ADAMTSL3: variants seen among roughly 807,000 people sequenced by gnomAD.
ADAMTSL3 encodes the protein ADAMTS-like protein 3.
A neutral mutation model predicts 201.7 loss-of-function variants in ADAMTSL3; 128 were observed. The ratio of observed to expected loss-of-function variants is 0.63; its 90% CI spans 0.55 to 0.73. ADAMTSL3 has a LOEUF of 0.73. Ranked by LOEUF, ADAMTSL3 falls within the 30% of genes least tolerant of loss-of-function variation. ADAMTSL3 has a pLI of 0.00. For missense variants in ADAMTSL3, 1,990 were observed against 2,119.6 expected, an observed-to-expected ratio of 0.94 and a Z score of 1.20; for synonymous variants, 738 against 748.4, an observed-to-expected ratio of 0.99 and a Z score of 0.23.
At chr15:83,866,505 A>G (rs1270200180) in intron 8 of ADAMTSL3, among the ~76,000 whole-genome samples, 3 of 152,124 alleles carry the variant, frequency 2.0e-5, no homozygotes, top group African/African-American at 7.2e-5. Flanking sequence ...AAACTATCAC[A>G]AGGACAAAAA....
intron 25 of ADAMTSL3, 69 bp downstream of exon 25, chr15:84,016,568 A>G: frequency 7.7e-7 from 1 of 1,295,882 alleles, no homozygotes; most frequent in Non-Finnish European, 1.1e-6. Flanking sequence ...TTTAGCTAAA[A>G]GACCATCTGT....
intron 2 of ADAMTSL3, among the ~76,000 whole-genome samples, chr15:83,660,074 T>A (rs1247214158): frequency 6.6e-6 from 1 of 152,196 alleles, no homozygotes; most frequent in Non-Finnish European, 1.5e-5. Flanking sequence ...AGGGGTGGGC[T>A]TTGAATCTTG....
Position 83,788,640 on chromosome 15 carries a change from T to A in ADAMTSL3, c.317+14990T>A, listed in dbSNP as rs377751175. ...CTGGATGCATGTAGAAACATACATT[T>A]TCCCCCAGTGTTCTGAAATTTCCTA... On this transcript the variant is annotated intron_variant, in intron 4 of 29. Coordinates refer to ENST00000286744, the MANE Select transcript of ADAMTSL3 (RefSeq NM_207517.3). Among the ~76,000 whole-genome samples, 118 of 152,304 alleles carry A rather than the reference T, an allele frequency of 7.7e-4. 1 individual carries two copies. The South Asian group carries it at 0.019, about 25-fold the overall frequency.
chr15:83,950,081 C>T (rs1301934839), intron 19 of ADAMTSL3, among the ~76,000 whole-genome samples: 2 of 152,052 alleles, frequency 1.3e-5, no homozygotes, highest in Non-Finnish European at 2.9e-5. Context: ...AATATTTGCC[C>T]AGAGCAGTGT....
intron 2 of ADAMTSL3, among the ~76,000 whole-genome samples, chr15:83,703,305 G>T (rs1387739289): frequency 6.6e-6 from 1 of 152,146 alleles, no homozygotes; most frequent in Admixed American, 6.5e-5. Flanking sequence ...TTTGGTTAAT[G>T]CTGAAATTAG....
chr15:83,821,664 C>A (rs2063868827), intron 6 of ADAMTSL3, among the ~76,000 whole-genome samples: 2 of 152,162 alleles, frequency 1.3e-5, no homozygotes, highest in African/African-American at 4.8e-5. Context: ...ACACGGCAAC[C>A]ATCCGATTTC....
intron 17 of ADAMTSL3, among the ~76,000 whole-genome samples, chr15:83,942,110 T>C (rs2066572407): frequency 6.6e-6 from 1 of 152,244 alleles, no homozygotes; most frequent in Non-Finnish European, 1.5e-5. Flanking sequence ...CAAGATCTTA[T>C]TGGAAAGGAA....
At chr15:83,951,007 T>C (rs1471426452) in intron 19 of ADAMTSL3, among the ~76,000 whole-genome samples, 1 of 151,112 alleles carries the variant, frequency 6.6e-6, no homozygotes, top group African/African-American at 2.4e-5. Flanking sequence ...TCTTTTCTTT[T>C]TTTTTTTTTT....
chr15:83,786,203 C>G (rs1486112634), intron 4 of ADAMTSL3, among the ~76,000 whole-genome samples: 1 of 152,120 alleles, frequency 6.6e-6, no homozygotes, highest in Admixed American at 6.5e-5. Context: ...TCTCAAATTC[C>G]TGACCTCAAG....
intron 19 of ADAMTSL3, among the ~76,000 whole-genome samples, chr15:83,966,655 A>G (rs934267701): frequency 5.9e-5 from 9 of 152,206 alleles, no homozygotes; most frequent in Non-Finnish European, 1.2e-4. Flanking sequence ...TAGAAAAAGA[A>G]GGACTCCTCC....
chr15:83,773,784 A>G lies in ADAMTSL3; in HGVS notation c.317+134A>G, dbSNP rs1596181944. On this transcript the variant is annotated intron_variant, in intron 4 of 29. Coordinates refer to ENST00000286744, the MANE Select transcript of ADAMTSL3 (RefSeq NM_207517.3). ...GTAACGTTTGCTTTGTCTAAATATT[A>G]GTCAACCTAGGTTAACATATTTAAG... 2.4e-6 allele frequency: 3 copies of G among 1,255,894 alleles called. No individual in the cohort carries two copies. In the East Asian group the frequency reaches 7.9e-5, roughly 33 times the overall value. The allele number at this position is 1,255,894 out of a possible 1,614,324, so 77.8% of individuals were successfully genotyped here.
chr15:83,988,604 G>C, intron 21 of ADAMTSL3, 87 bp from the exon 22 acceptor site: 1 of 1,215,978 alleles, frequency 8.2e-7, no homozygotes, highest in South Asian at 2.1e-5. Context: ...GCCTGTAATG[G>C]TGCAGTCTTC....
intron 3 of ADAMTSL3, among the ~76,000 whole-genome samples, chr15:83,765,430 G>A (rs751178278): frequency 5.3e-5 from 8 of 152,072 alleles, no homozygotes; most frequent in Non-Finnish European, 2.9e-5. Context: ...TTTTTAATAT[G>A]GAGCTGTTAA....
intron 5 of ADAMTSL3, among the ~76,000 whole-genome samples, chr15:83,818,984 A>G (rs935551650): frequency 3.9e-5 from 6 of 152,024 alleles, no homozygotes; most frequent in Admixed American, 2.6e-4. Context: ...AATTAAAAAC[A>G]ACGACAGGCC....
chr15:83,826,858 G>A (rs1483180040), intron 6 of ADAMTSL3, among the ~76,000 whole-genome samples: 1 of 151,966 alleles, frequency 6.6e-6, no homozygotes, highest in Non-Finnish European at 1.5e-5. Flanking sequence ...TTTTATGGCT[G>A]CATAGTATTC....
rs534994624 is a variant in ADAMTSL3 at position 84,038,450 on chromosome 15, A to T, written c.*644A>T. On this transcript the variant is annotated 3_prime_UTR_variant, in exon 30 of 30. Coordinates refer to ENST00000286744, the MANE Select transcript of ADAMTSL3 (RefSeq NM_207517.3). ...CACAGAGTAGATATTGCTGTCATTTATACAACTACAGAAATTTATCTATGA... is the reference window on the plus strand; with the variant it reads ...CACAGAGTAGATATTGCTGTCATTTTTACAACTACAGAAATTTATCTATGA... 2 of 152,766 alleles carry T rather than the reference A, an allele frequency of 1.3e-5. No individual in the cohort carries two copies. Among genetic ancestry groups the T allele is most frequent in the African/African-American group, 2.4e-5 (1 of 41,586 alleles). 9.5% of individuals were successfully genotyped at this position (152,766 alleles called of 1,614,324 possible). A position where few individuals can be genotyped will look rare whatever the true frequency, so the allele number is the denominator to read the frequency against.
At chr15:83,708,899 A>T in intron 3 of ADAMTSL3, among the ~76,000 whole-genome samples, 1 of 152,192 alleles carries the variant, frequency 6.6e-6, no homozygotes, top group East Asian at 1.9e-4. Flanking sequence ...GAGACGCCAA[A>T]TGTGCAAATG....
chr15:83,909,023 A>T (rs2065889642), intron 15 of ADAMTSL3, among the ~76,000 whole-genome samples: 1 of 152,158 alleles, frequency 6.6e-6, no homozygotes, highest in South Asian at 2.1e-4. Flanking sequence ...TCTAGAGGCC[A>T]CCTGCATTCC....
chr15:83,693,064 TTTTC>T (rs1335131534), intron 2 of ADAMTSL3, among the ~76,000 whole-genome samples: 8 of 152,284 alleles, frequency 5.3e-5, no homozygotes, highest in Admixed American at 2.6e-4. Context: ...AATGCTTTTT[TTTTC>T]TTTCTTTCTT....
Sources: allele counts gnomAD v4.1 joint callset (sites outside exome capture counted in the v4.1 genomes callset), GRCh38; gene constraint gnomAD v4.1.1; transcripts MANE v1.5; gene names NCBI Gene and HGNC (gene_info 2026-07-23, HGNC 2026-07-21).